Variants in ACOXL observed in about 807,000 individuals in gnomAD.
ACOXL encodes the protein acyl-CoA oxidase like, also known as acyl-coenzyme A oxidase-like protein.
A neutral mutation model predicts 71.9 loss-of-function variants in ACOXL; 70 were observed. The ratio of observed to expected loss-of-function variants is 0.97; its 90% confidence interval spans 0.80 to 1.19. The LOEUF (loss-of-function observed/expected upper bound fraction) is 1.19. Ranked by LOEUF, ACOXL falls within the 50% of genes most tolerant of loss-of-function variation. The probability of loss-of-function intolerance (pLI) is 0.00; values close to 1 mark genes in which losing one functional copy is unlikely to be tolerated. For synonymous variants in ACOXL, 253 were observed against 281.6 expected (o/e 0.90, Z 1.02); for missense variants, 703 against 736.3 (o/e 0.95, Z 0.52).
chr2:110,927,987 T>A (rs1381649294), intron 11 of ACOXL, among the ~76,000 whole-genome samples: 4 of 152,184 alleles, frequency 2.6e-5, no homozygotes, highest in Non-Finnish European at 2.9e-5. Flanking sequence ...TTAACAATTT[T>A]AAAAAATCAA....
intron 17 of ACOXL, chr2:111,098,444 T>C (rs1436657159): frequency 6.6e-6 from 1 of 152,222 alleles, no homozygotes. Context: ...TTGTCCATAA[T>C]ACCTGCCTAG....
intron 17 of ACOXL, among the ~76,000 whole-genome samples, chr2:111,108,681 C>T (rs564489297): frequency 2.2e-4 from 33 of 152,218 alleles, no homozygotes; most frequent in Non-Finnish European, 4.0e-4. Flanking sequence ...CCGGCCGAAG[C>T]GCACAAATCT....
chr2:110,779,348 T>G (rs1437074885), intron 2 of ACOXL, among the ~76,000 whole-genome samples: 1 of 152,142 alleles, frequency 6.6e-6, no homozygotes, highest in Non-Finnish European at 1.5e-5. Context: ...AGGGTTAGAT[T>G]TTCTTGCAGT....
At chr2:110,896,745 A>G (rs1438972763) in intron 10 of ACOXL, among the ~76,000 whole-genome samples, 2 of 152,210 alleles carry the variant, frequency 1.3e-5, no homozygotes, top group Admixed American at 1.3e-4. Flanking sequence ...GAAAACTAAC[A>G]GAACTGAAAG....
chr2:110,822,103 T>C lies in ACOXL; in HGVS notation c.753+16708T>C, dbSNP rs367775980. Reference sequence around the variant, plus strand: ...TTCCCTGGTTCCTTTTATTAAAGAATGTTTTGAGAAATGAAGATTAGGGTG... The same window carrying C: ...TTCCCTGGTTCCTTTTATTAAAGAACGTTTTGAGAAATGAAGATTAGGGTG... On this transcript the variant is annotated intron_variant, in intron 9 of 17. Coordinates refer to ENST00000439055, the MANE Select transcript of ACOXL (RefSeq NM_001142807.4). Among the ~76,000 whole-genome samples, 6 of 152,186 alleles carry C rather than the reference T, an allele frequency of 3.9e-5. No individual in the cohort carries two copies. In the East Asian group the frequency reaches 1.2e-3, roughly 29 times the overall value.
At chr2:110,887,172 A>G in intron 10 of ACOXL, 1 of 288,372 alleles carries the variant, frequency 3.5e-6, no homozygotes, top group Non-Finnish European at 6.6e-6. Flanking sequence ...GAATTCCCAG[A>G]TCTCCCTGAT....
At chr2:110,848,589 T>G (rs1278668352) in intron 10 of ACOXL, among the ~76,000 whole-genome samples, 1 of 152,162 alleles carries the variant, frequency 6.6e-6, no homozygotes, top group Non-Finnish European at 1.5e-5. Context: ...GAAGGGTAAA[T>G]GCCCTTCGGG....
At chr2:110,788,122 A>G (rs1684214407) in intron 3 of ACOXL, among the ~76,000 whole-genome samples, 1 of 152,260 alleles carries the variant, frequency 6.6e-6, no homozygotes, top group South Asian at 2.1e-4. Flanking sequence ...ACAGCCCAGC[A>G]TTCCACTAAC....
At chr2:110,898,277 A>G (rs1443608092) in intron 10 of ACOXL, among the ~76,000 whole-genome samples, 1 of 152,166 alleles carries the variant, frequency 6.6e-6, no homozygotes, top group Admixed American at 6.5e-5. Context: ...GGAACCAAAT[A>G]AAGAAAATAT....
intron 1 of ACOXL, among the ~76,000 whole-genome samples, chr2:110,748,930 C>T (rs183605004): frequency 5.9e-5 from 9 of 152,262 alleles, no homozygotes; most frequent in East Asian, 1.9e-4. Context: ...CAGGCTGAAT[C>T]GGAGGTGTTT....
At chr2:110,939,087 A>G (rs1173571975) in intron 12 of ACOXL, among the ~76,000 whole-genome samples, 2 of 152,226 alleles carry the variant, frequency 1.3e-5, no homozygotes, top group Non-Finnish European at 2.9e-5. Context: ...ATATGGGTGC[A>G]TCTTGCACCT....
At chr2:110,986,773 C>A (rs921142724) in intron 12 of ACOXL, among the ~76,000 whole-genome samples, 1 of 152,140 alleles carries the variant, frequency 6.6e-6, no homozygotes, top group African/African-American at 2.4e-5. Flanking sequence ...AGAGAACGGA[C>A]CAGCCTTCTG....
At chr2:111,072,581 C>G (rs1461370368) in intron 16 of ACOXL, among the ~76,000 whole-genome samples, 1 of 152,198 alleles carries the variant, frequency 6.6e-6, no homozygotes, top group Non-Finnish European at 1.5e-5. Context: ...GAACATAAAT[C>G]TTCATTTCTC....
chr2:110,760,062 T>C (rs1680187941), intron 1 of ACOXL, among the ~76,000 whole-genome samples: 1 of 152,086 alleles, frequency 6.6e-6, no homozygotes, highest in Admixed American at 6.5e-5. Flanking sequence ...CTAACTCTTA[T>C]TTTTTGTAGT....
At chr2:110,815,663 C>G (rs1002251370) in intron 9 of ACOXL, among the ~76,000 whole-genome samples, 1 of 152,160 alleles carries the variant, frequency 6.6e-6, no homozygotes, top group Non-Finnish European at 1.5e-5. Flanking sequence ...TTGCCTGCAT[C>G]GTAGGGACTT....
intron 15 of ACOXL, among the ~76,000 whole-genome samples, chr2:111,046,474 A>G (rs2066020922): frequency 6.6e-6 from 1 of 152,216 alleles, no homozygotes; most frequent in South Asian, 2.1e-4. Flanking sequence ...ATTGACTCAC[A>G]GTTCTGCAGG....
At chr2:110,768,611 G>C in intron 2 of ACOXL, 147 bp downstream of exon 2, 1 of 697,866 alleles carries the variant, frequency 1.4e-6, no homozygotes, top group South Asian at 1.9e-5. Flanking sequence ...TAAATTGCGT[G>C]TTATGGAGGT....
At chr2:110,980,646 G>A (rs1485761360) in intron 12 of ACOXL, among the ~76,000 whole-genome samples, 2 of 152,150 alleles carry the variant, frequency 1.3e-5, no homozygotes, top group African/African-American at 2.4e-5. Flanking sequence ...TCCACGCTGG[G>A]CTCCAGGTGC....
intron 9 of ACOXL, among the ~76,000 whole-genome samples, chr2:110,824,771 A>G (rs1688986280): frequency 6.6e-6 from 1 of 152,190 alleles, no homozygotes; most frequent in African/African-American, 2.4e-5. Context: ...TATGTGCTTT[A>G]AAGCCCTTAT....
Sources: allele counts gnomAD v4.1 joint callset (sites outside exome capture counted in the v4.1 genomes callset), GRCh38; gene constraint gnomAD v4.1.1; transcripts MANE v1.5; gene names NCBI Gene and HGNC (gene_info 2026-07-23, HGNC 2026-07-21).